Variants in AGTPBP1 observed in about 807,000 individuals in gnomAD.
AGTPBP1 encodes the protein ATP/GTP binding carboxypeptidase 1, also known as cytosolic carboxypeptidase 1.
In AGTPBP1, 70 loss-of-function variants were observed where a neutral mutation model predicts 143.9. The observed-to-expected ratio is 0.49, with a 90% CI of 0.40 to 0.59. The LOEUF (loss-of-function observed/expected upper bound fraction) is 0.59. Among genes scored for constraint, AGTPBP1 ranks in the 20% least tolerant of loss-of-function variants. The pLI, the probability that AGTPBP1 is intolerant of heterozygous loss-of-function variation, is 0.00. For missense variants in AGTPBP1, 1,229 were observed against 1,464.5 expected (o/e 0.84, Z 2.62); for synonymous variants, 463 against 500.2 (o/e 0.93, Z 0.99).
chr9:85,615,830 A>G (rs768594614), intron 17 of AGTPBP1, among the ~76,000 whole-genome samples: 1 of 152,110 alleles, frequency 6.6e-6, no homozygotes, highest in South Asian at 2.1e-4. Flanking sequence ...ATAAATACAA[A>G]TATCTATGTA....
chr9:85,647,404 T>C (rs1221497247), intron 11 of AGTPBP1, among the ~76,000 whole-genome samples: 2 of 152,180 alleles, frequency 1.3e-5, no homozygotes, highest in Non-Finnish European at 2.9e-5. Context: ...AGGTAGCTCA[T>C]GAGGTTAAAG....
rs1186468440 is a variant in AGTPBP1, at chr9:85,650,795, TTC to T, written c.1087+4346_1087+4347del. On this transcript the variant is annotated intron_variant, in intron 11 of 25. Coordinates refer to ENST00000357081, the MANE Select transcript of AGTPBP1 (RefSeq NM_001330701.2). ...ACCAACACTGTTTCTACCAATGTCT[TTC>T]TGTTATTCAAATGATTATAGTTTTG... 3.3e-5 allele frequency among the ~76,000 whole-genome samples: 5 copies of T among 152,348 alleles called. No individual in the cohort carries two copies. The East Asian group carries it at 9.6e-4, about 29-fold the overall frequency.
chr9:85,750,661 C>G, the AGTPBP1 span, among the ~76,000 whole-genome samples: 2 of 152,116 alleles, frequency 1.3e-5, no homozygotes, highest in African/African-American at 4.8e-5. Flanking sequence ...TTATCCTATG[C>G]CTTGGAGTTG....
chr9:85,757,445 C>A, the AGTPBP1 span, among the ~76,000 whole-genome samples: 1 of 151,182 alleles, frequency 6.6e-6, no homozygotes, highest in Non-Finnish European at 1.5e-5. Context: ...TTTGAAAAGC[C>A]ATAAAAGGGA....
At chr9:85,787,325 T>C in the AGTPBP1 span, among the ~76,000 whole-genome samples, 12 of 152,204 alleles carry the variant, frequency 7.9e-5, no homozygotes, top group South Asian at 2.1e-4. Context: ...ACGGAAATTA[T>C]AGAATAAAAC....
chr9:85,579,216 T>G, intron 23 of AGTPBP1, 120 bp from the exon 24 acceptor site: 1 of 961,172 alleles, frequency 1.0e-6, no homozygotes, highest in Non-Finnish European at 1.5e-6. Flanking sequence ...GGATGTTCTA[T>G]TATATATCCC....
At chr9:85,588,629 G>T in intron 20 of AGTPBP1, 151 bp from the exon 21 acceptor site, 1 of 704,078 alleles carries the variant, frequency 1.4e-6, no homozygotes, top group Non-Finnish European at 2.3e-6. Flanking sequence ...CACTGCACTA[G>T]GCCCTATAAA....
At chr9:85,636,113 G>A (rs190129657) in intron 13 of AGTPBP1, among the ~76,000 whole-genome samples, 160 of 151,814 alleles carry the variant, frequency 1.1e-3, no homozygotes, top group Middle Eastern at 3.4e-3. Context: ...ATTCAACAAG[G>A]TAGAAGGAAA....
At chr9:85,692,961 A>G (rs984639426) in intron 2 of AGTPBP1, 148 bp from the exon 3 acceptor site, 53 of 780,426 alleles carry the variant, frequency 6.8e-5, no homozygotes, top group Admixed American at 1.3e-4. Flanking sequence ...CTATAGCTTA[A>G]TATAGCTTAA....
intron 2 of AGTPBP1, among the ~76,000 whole-genome samples, chr9:85,701,545 C>CTTTTTAT (rs1836661574): frequency 1.3e-5 from 2 of 152,012 alleles, no homozygotes; most frequent in Non-Finnish European, 2.9e-5. Flanking sequence ...TTTATCTGAA[C>CTTTTTAT]CAAAGTAGAT....
At chr9:85,747,392 C>T in the AGTPBP1 span, among the ~76,000 whole-genome samples, 3 of 152,140 alleles carry the variant, frequency 2.0e-5, no homozygotes, top group East Asian at 3.8e-4. Context: ...TGAGGATGGG[C>T]TTTTCCATTT....
At chr9:85,801,035 G>C in the AGTPBP1 span, among the ~76,000 whole-genome samples, 1 of 152,040 alleles carries the variant, frequency 6.6e-6, no homozygotes, top group African/African-American at 2.4e-5. Context: ...TTTTGGGCCG[G>C]GTACTGTGGC....
At chr9:85,731,416 GTT>G (rs537233806) in intron 1 of AGTPBP1, among the ~76,000 whole-genome samples, 14 of 148,732 alleles carry the variant, frequency 9.4e-5, no homozygotes, top group African/African-American at 2.7e-4. Context: ...GTTTGGCAGG[GTT>G]TTTTTTTTCG....
At chr9:85,568,820 A>G (rs1344057198) in intron 25 of AGTPBP1, among the ~76,000 whole-genome samples, 1 of 152,180 alleles carries the variant, frequency 6.6e-6, no homozygotes, top group Non-Finnish European at 1.5e-5. Context: ...CAAGAATAAG[A>G]CATGAGCATC....
chr9:85,786,832 A>C, the AGTPBP1 span, among the ~76,000 whole-genome samples: 3 of 152,234 alleles, frequency 2.0e-5, no homozygotes, highest in Non-Finnish European at 4.4e-5. Flanking sequence ...ACATTTATAA[A>C]TACGCTTAAA....
intron 2 of AGTPBP1, among the ~76,000 whole-genome samples, chr9:85,701,300 G>A (rs1374590082): frequency 6.6e-6 from 1 of 151,200 alleles, no homozygotes; most frequent in Non-Finnish European, 1.5e-5. Context: ...TGCAATCTTG[G>A]CTCACTGCAA....
At chr9:85,793,077 G>T in the AGTPBP1 span, among the ~76,000 whole-genome samples, 1 of 152,132 alleles carries the variant, frequency 6.6e-6, no homozygotes, top group Admixed American at 6.6e-5. Flanking sequence ...AAGACTTGCT[G>T]AATCTATTTT....
At chr9:85,744,925 T>C (rs563471459), upstream of AGTPBP1, among the ~76,000 whole-genome samples, 2 of 152,350 alleles carry the variant, frequency 1.3e-5, no homozygotes, top group South Asian at 2.1e-4. Context: ...CTAATTTCTA[T>C]TGGTCACTCT....
intron 20 of AGTPBP1, 68 bp from the exon 21 acceptor site, chr9:85,588,546 G>A (rs1448622833): frequency 2.0e-6 from 3 of 1,500,828 alleles, no homozygotes; most frequent in Admixed American, 4.5e-5. Context: ...TTACTTTGGG[G>A]CTTTAGAAAT....
Sources: allele counts gnomAD v4.1 joint callset (sites outside exome capture counted in the v4.1 genomes callset), GRCh38; gene constraint gnomAD v4.1.1; transcripts MANE v1.5; gene names NCBI Gene and HGNC (gene_info 2026-07-23, HGNC 2026-07-21).